The following TENM3 variants were observed in gnomAD, a reference collection of about 807,000 sequenced individuals.
The protein encoded by TENM3 is teneurin transmembrane protein 3, also known as teneurin-3.
Under a neutral mutation model 255.1 loss-of-function variants are expected in TENM3, and 63 were observed. The ratio of observed to expected loss-of-function variants is 0.25; its 90% confidence interval spans 0.20 to 0.30. TENM3 has a LOEUF of 0.30. TENM3 is among the 10% of genes least tolerant of loss of function. The pLI, the probability that TENM3 is intolerant of heterozygous loss-of-function variation, is 1.00. For missense variants in TENM3, 2,929 were observed against 3,461.1 expected (o/e 0.85, Z 3.86); for synonymous variants, 1,306 against 1,322.3 (o/e 0.99, Z 0.27).
intron 3 of TENM3, among the ~76,000 whole-genome samples, chr4:182,494,224 G>A (rs1169731750): frequency 1.3e-5 from 2 of 152,252 alleles, no homozygotes; most frequent in African/African-American, 2.4e-5. Flanking sequence ...TTCTGGAAAC[G>A]TAGATGAATA....
the TENM3 span, among the ~76,000 whole-genome samples, chr4:181,714,710 C>A: frequency 1.3e-4 from 20 of 152,114 alleles, 1 homozygote; most frequent in African/African-American, 4.6e-4. Flanking sequence ...TGCTGGAGTT[C>A]TTTTTTTATG....
intron 6 of TENM3, among the ~76,000 whole-genome samples, chr4:182,656,271 C>G (rs1353283499): frequency 6.6e-6 from 1 of 152,218 alleles, no homozygotes; most frequent in Non-Finnish European, 1.5e-5. Flanking sequence ...AGCTATCTCT[C>G]TCTGGGCTCT....
chr4:181,800,249 T>A, the TENM3 span, among the ~76,000 whole-genome samples: 1 of 152,120 alleles, frequency 6.6e-6, no homozygotes, highest in East Asian at 1.9e-4. Context: ...GGTCACCAGA[T>A]GAACAAATGG....
chr4:182,099,607 A>G, the TENM3 span, among the ~76,000 whole-genome samples: 1 of 152,186 alleles, frequency 6.6e-6, no homozygotes, highest in South Asian at 2.1e-4. Flanking sequence ...GTATTGGAAC[A>G]CAGCCACACC....
At chr4:182,157,217 G>A (rs763972948) in intron 1 of TENM3, among the ~76,000 whole-genome samples, 2 of 152,188 alleles carry the variant, frequency 1.3e-5, no homozygotes, top group African/African-American at 2.4e-5. Flanking sequence ...GAAACATAGT[G>A]AACTGAGACA....
At chr4:182,506,861 C>T (rs1736874946) in intron 3 of TENM3, among the ~76,000 whole-genome samples, 1 of 152,014 alleles carries the variant, frequency 6.6e-6, no homozygotes, top group Non-Finnish European at 1.5e-5. Flanking sequence ...ACGGTCAATT[C>T]GATGGTTCTT....
chr4:181,462,297 A>G, the TENM3 span, among the ~76,000 whole-genome samples: 1 of 152,038 alleles, frequency 6.6e-6, no homozygotes, highest in Non-Finnish European at 1.5e-5. Context: ...AGGGGATGGG[A>G]CCCATTTGCC....
chr4:181,595,948 A>T, the TENM3 span, among the ~76,000 whole-genome samples: 164 of 152,278 alleles, frequency 1.1e-3, no homozygotes, highest in African/African-American at 3.7e-3. Flanking sequence ...AAGTCACTGG[A>T]TCACATTACT....
rs768180211 is a variant in TENM3 at position 182,751,873 on chromosome 4, A to T, written c.3703A>T (p.Thr1235Ser). 6.2e-7 allele frequency: 1 copy of T among 1,613,832 alleles called. No homozygotes were observed. Among genetic ancestry groups the T allele is most frequent in the East Asian group, 2.2e-5 (1 of 44,868 alleles). Residue 1235 changes from threonine to serine, a missense_variant, in exon 20 of 28, where the codon ACC becomes TCC. This residue lies in a region of TENM3 where 1,608 missense variants were observed against 1,884.4 expected (regional missense o/e 0.85). Transcript: ENST00000511685. ...AGATCTGTACGTTTCTGACACAAACACCCGCAGAATTTATCGCCCAAAGTC... is the reference window on the plus strand; with the variant it reads ...AGATCTGTACGTTTCTGACACAAACTCCCGCAGAATTTATCGCCCAAAGTC... ...TGDLYVSDTN[T>S]RRIYRPKSLT... is the part of the protein sequence containing the mutation.
intron 5 of TENM3, among the ~76,000 whole-genome samples, chr4:182,632,405 G>C (rs1010463749): frequency 1.3e-5 from 2 of 152,112 alleles, no homozygotes; most frequent in Non-Finnish European, 2.9e-5. Context: ...AACCACCAAC[G>C]CTAGTCATTA....
At chr4:182,644,834 G>A (rs1752605604) in intron 5 of TENM3, among the ~76,000 whole-genome samples, 1 of 152,116 alleles carries the variant, frequency 6.6e-6, no homozygotes, top group Non-Finnish European at 1.5e-5. Context: ...AAAAGATGCA[G>A]TCTAGAGTAG....
At chr4:182,390,183 A>G (rs1314222682) in intron 3 of TENM3, among the ~76,000 whole-genome samples, 1 of 152,098 alleles carries the variant, frequency 6.6e-6, no homozygotes, top group Non-Finnish European at 1.5e-5. Flanking sequence ...TAGTTCAGAG[A>G]GTTCTTCTTT....
the TENM3 span, among the ~76,000 whole-genome samples, chr4:181,890,726 A>G: frequency 6.6e-6 from 1 of 152,132 alleles, no homozygotes; most frequent in Non-Finnish European, 1.5e-5. Flanking sequence ...TTTTACTTAA[A>G]GGGGCCCCAA....
intron 23 of TENM3, among the ~76,000 whole-genome samples, chr4:182,774,197 A>G (rs28619407): frequency 0.089 from 13,569 of 152,196 alleles, 2,067 homozygotes; most frequent in African/African-American, 0.31. Context: ...CCTGTCTACA[A>G]TGACATTTGT....
chr4:181,519,218 G>A, the TENM3 span, among the ~76,000 whole-genome samples: 1 of 152,120 alleles, frequency 6.6e-6, no homozygotes, highest in Non-Finnish European at 1.5e-5. Flanking sequence ...AACAATGAAA[G>A]CTAAGGCAAA....
the TENM3 span, among the ~76,000 whole-genome samples, chr4:181,919,206 A>G: frequency 6.6e-6 from 1 of 152,142 alleles, no homozygotes; most frequent in African/African-American, 2.4e-5. Flanking sequence ...GGAGGACTTA[A>G]GGGTAGCCAC....
At chr4:181,593,379 C>T in the TENM3 span, among the ~76,000 whole-genome samples, 3 of 152,164 alleles carry the variant, frequency 2.0e-5, no homozygotes, top group African/African-American at 2.4e-5. Context: ...TTTGCATATA[C>T]ACTTTTGTGT....
In TENM3 at chr4:182,800,070, G is replaced by C. The variant is rs772392302; in HGVS notation, c.7819G>C (p.Val2607Leu). Reference protein sequence around the residue: ...EMQFGALALHVRYGMTLDEEK... With the variant: ...EMQFGALALHLRYGMTLDEEK... ...GCAGTTCGGCGCGCTGGCGCTGCAC[G>C]TGCGCTACGGCATGACCCTGGACGA... Residue 2607 changes from valine (V) to leucine (L), a missense_variant, in exon 28 of 28, where the codon GTG (valine) becomes CTG (leucine). By Grantham distance (32) the Val-to-Leu change is conservative. Coordinates refer to ENST00000511685, the MANE Select transcript of TENM3 (RefSeq NM_001080477.4). The C allele has an allele frequency of 8.2e-5, 132 of 1,601,718 alleles. 1 individual carries two copies. Among genetic ancestry groups the C allele is most frequent in the Non-Finnish European group, 1.0e-4 (121 of 1,174,786 alleles).
chr4:181,849,955 A>T, the TENM3 span, among the ~76,000 whole-genome samples: 3,278 of 44,868 alleles, frequency 0.073, 94 homozygotes, highest in African/African-American at 0.15. Context: ...TCTCTCACAC[A>T]CACACACACA....
Sources: gnomAD v4.1 joint callset for allele counts (sites outside exome capture counted in the v4.1 genomes callset) on GRCh38, gnomAD v4.1.1 for gene constraint, gnomAD v4.1.1 regional missense constraint, MANE v1.5 for transcripts, NCBI Gene and HGNC (gene_info 2026-07-23, HGNC 2026-07-21) for gene names.